NUTF2: variants seen among roughly 807,000 people sequenced by gnomAD.
NUTF2 encodes placental protein 15.
In NUTF2, 3 loss-of-function variants were observed where a neutral mutation model predicts 18.5. The observed-to-expected ratio is 0.16, with a 90% CI of 0.07 to 0.42. The LOEUF (loss-of-function observed/expected upper bound fraction) is 0.42. Ranked by LOEUF, NUTF2 falls within the 10% of genes least tolerant of loss-of-function variation. NUTF2 has a pLI of 0.99. For missense variants in NUTF2, 44 were observed against 160.7 expected (o/e 0.27, Z 3.93); for synonymous variants, 51 against 57.9 (o/e 0.88, Z 0.54).
chr16:67,856,486 G>A (rs1449365117), intron 1 of NUTF2, among the ~76,000 whole-genome samples: 1 of 148,526 alleles, frequency 6.7e-6, no homozygotes. Context: ...CACCATCCCT[G>A]GCCCAGTTTT....
At chr16:67,862,823 A>G (rs2057943577) in intron 1 of NUTF2, among the ~76,000 whole-genome samples, 1 of 152,138 alleles carries the variant, frequency 6.6e-6, no homozygotes, top group Non-Finnish European at 1.5e-5. Flanking sequence ...GGACAGAGCG[A>G]GACCCTTTTC....
intron 1 of NUTF2, among the ~76,000 whole-genome samples, chr16:67,863,328 G>T (rs1284461316): frequency 6.6e-6 from 1 of 152,122 alleles, no homozygotes; most frequent in Non-Finnish European, 1.5e-5. Context: ...AGTCATCCCA[G>T]CACTGAGCTT....
In NUTF2 at chr16:67,852,175, C is replaced by T. The variant is rs1330456136; in HGVS notation, c.-30+5190C>T. Reference sequence around the variant, plus strand: ...TACAAAAGAAAAATAAAAAAATAGCCAGTGTGGTTGTGGTGTTGTATACCT... The same window carrying T: ...TACAAAAGAAAAATAAAAAAATAGCTAGTGTGGTTGTGGTGTTGTATACCT... On this transcript the variant is annotated intron_variant, in intron 1 of 4. Transcript: ENST00000219169. 1.1e-4 allele frequency among the ~76,000 whole-genome samples: 16 copies of T among 151,888 alleles called. 1 individual carries two copies. Among genetic ancestry groups the T allele is most frequent in the Admixed American group, 1.1e-3 (16 of 15,214 alleles).
intron 1 of NUTF2, among the ~76,000 whole-genome samples, chr16:67,854,253 T>C (rs1167440762): frequency 6.6e-6 from 1 of 152,242 alleles, no homozygotes; most frequent in Admixed American, 6.5e-5. Context: ...GCCTGGCCTG[T>C]GCGAGGCCTT....
chr16:67,862,940 C>G (rs1448991104), intron 1 of NUTF2, among the ~76,000 whole-genome samples: 1 of 152,196 alleles, frequency 6.6e-6, no homozygotes. Flanking sequence ...TGGCCCTTAT[C>G]CATTCCTCCA....
At chr16:67,850,712 T>A (rs530629554) in intron 1 of NUTF2, among the ~76,000 whole-genome samples, 4 of 152,322 alleles carry the variant, frequency 2.6e-5, no homozygotes, top group Middle Eastern at 3.4e-3. Flanking sequence ...GGTTGGGATA[T>A]TGCCGCACAA....
intron 2 of NUTF2, among the ~76,000 whole-genome samples, chr16:67,865,431 A>G (rs2057963942): frequency 6.6e-6 from 1 of 152,186 alleles, no homozygotes. Flanking sequence ...AACTTCCACA[A>G]GAGTGAGAAT....
Position 67,868,418 on chromosome 16 carries a change from A to G in NUTF2, c.171+7A>G. On this transcript the variant is annotated splice_region_variant and intron_variant, in intron 3 of 4. Coordinates refer to ENST00000219169, the MANE Select transcript of NUTF2 (RefSeq NM_005796.3). ...CATTGTGGAGAAGTTGTCTGTAAGT[A>G]GGGAAGAAAGCCAGGGTGCAGGTGG... 3.7e-6 allele frequency: 6 copies of G among 1,614,172 alleles called. No homozygotes were observed. Among genetic ancestry groups the G allele is most frequent in the Non-Finnish European group, 5.1e-6 (6 of 1,180,014 alleles).
intron 1 of NUTF2, among the ~76,000 whole-genome samples, chr16:67,855,485 G>C (rs2057889010): frequency 6.6e-6 from 1 of 152,230 alleles, no homozygotes; most frequent in Non-Finnish European, 1.5e-5. Flanking sequence ...GCTGGAGACA[G>C]GGCTGCTATG....
intron 1 of NUTF2, among the ~76,000 whole-genome samples, chr16:67,863,475 C>T (rs1215296509): frequency 2.6e-5 from 4 of 152,280 alleles, no homozygotes; most frequent in Admixed American, 6.5e-5. Flanking sequence ...GATTCCTCCC[C>T]GCTGGCTCCT....
chr16:67,865,292 G>C, intron 2 of NUTF2, 63 bp downstream of exon 2: 1 of 1,198,154 alleles, frequency 8.3e-7, no homozygotes, highest in Non-Finnish European at 1.2e-6. Flanking sequence ...TTGGGCCAGT[G>C]TGTCCAGTTC....
At chr16:67,859,327 A>G (rs1302591934) in intron 1 of NUTF2, among the ~76,000 whole-genome samples, 3 of 145,464 alleles carry the variant, frequency 2.1e-5, no homozygotes, top group Non-Finnish European at 4.5e-5. Flanking sequence ...TTACAGGTGC[A>G]TGCCACCACA....
At chr16:67,851,269 T>C (rs1469932317) in intron 1 of NUTF2, among the ~76,000 whole-genome samples, 1 of 150,462 alleles carries the variant, frequency 6.6e-6, no homozygotes, top group Non-Finnish European at 1.5e-5. Context: ...GATCACGAGG[T>C]TAGGAGTTGG....
intron 2 of NUTF2, among the ~76,000 whole-genome samples, chr16:67,866,987 T>A (rs1010860655): frequency 6.6e-6 from 1 of 151,688 alleles, no homozygotes; most frequent in Non-Finnish European, 1.5e-5. Context: ...TTTTTTTTTT[T>A]TTGAGATGGA....
rs943902711 is a variant in NUTF2 at position 67,852,397 on chromosome 16, C to G, written c.-30+5412C>G. On this transcript the variant is annotated intron_variant, in intron 1 of 4. Transcript: ENST00000219169. Reference sequence around the variant, plus strand: ...AGGCTGGAGTGAAGTGTCACTCTTGCCCAGGCTCAAGTGCAGTGTCGCAGT... The same window carrying G: ...AGGCTGGAGTGAAGTGTCACTCTTGGCCAGGCTCAAGTGCAGTGTCGCAGT... Among the ~76,000 whole-genome samples, 5 of 151,148 alleles carry G rather than the reference C, an allele frequency of 3.3e-5. 1 individual carries two copies. The highest frequency in any genetic ancestry group is 7.3e-5 in the African/African-American group (3 of 41,186).
rs1555495571 is a variant in NUTF2 at position 67,855,890 on chromosome 16, G to GGGGC, written c.-30+8908_-30+8909insCGGG. The GGGGC allele has an allele frequency of 2.3e-4, 93 of 397,038 alleles. 2 individuals are homozygous for GGGGC. The highest frequency in any genetic ancestry group is 1.8e-3 in the African/African-American group (80 of 45,170). 24.6% of individuals were successfully genotyped at this position (397,038 alleles called of 1,614,324 possible). ...TTGCCACCCGATTTTTTTTTGGCGG[G>GGGGC]GGGGGGGGATGGGGGAAATGAGAAT... On this transcript the variant is annotated intron_variant, in intron 1 of 4. Coordinates refer to ENST00000219169, the MANE Select transcript of NUTF2 (RefSeq NM_005796.3).
At position 67,871,002 on chromosome 16, in the gene NUTF2, C is replaced by T; in HGVS notation, c.*89C>T. On this transcript the variant is annotated 3_prime_UTR_variant, in exon 5 of 5. Coordinates refer to ENST00000219169, the MANE Select transcript of NUTF2 (RefSeq NM_005796.3). ...TCCTCCAGATGCTCCAAATATCATG[C>T]ACAAATGAGCAGGGCCGCGGTGGGA... 6.0e-6 allele frequency: 6 copies of T among 1,007,788 alleles called. No homozygotes were observed. In the South Asian group the frequency reaches 6.8e-5, roughly 11 times the overall value. The allele number at this position is 1,007,788 out of a possible 1,614,324, so 62.4% of individuals were successfully genotyped here. A position where few individuals can be genotyped will look rare whatever the true frequency, so the allele number is the denominator to read the frequency against.
chr16:67,865,719 C>CTT (rs767485714), intron 2 of NUTF2, among the ~76,000 whole-genome samples: 28 of 136,840 alleles, frequency 2.0e-4, no homozygotes, highest in African/African-American at 5.2e-4. Context: ...GCTGGCTGCT[C>CTT]TTTTTTTTTT....
chr16:67,864,896 G>C (rs2057960042), intron 1 of NUTF2, among the ~76,000 whole-genome samples: 1 of 152,174 alleles, frequency 6.6e-6, no homozygotes, highest in Non-Finnish European at 1.5e-5. Context: ...TCAAAGGAGA[G>C]GCTGGGTCTG....
Sources: allele counts gnomAD v4.1 joint callset (sites outside exome capture counted in the v4.1 genomes callset), GRCh38; gene constraint gnomAD v4.1.1; transcripts MANE v1.5; gene names NCBI Gene and HGNC (gene_info 2026-07-23, HGNC 2026-07-21).